The following NUP43 variants were observed in gnomAD, a reference collection of about 807,000 sequenced individuals.
NUP43 encodes the protein nucleoporin Nup43.
NUP43 carries 32 observed loss-of-function variants against 47.3 expected under a neutral mutation model. That is an observed-to-expected ratio of 0.68 (90% CI 0.51 to 0.91). The LOEUF is 0.91. Among genes scored for constraint, NUP43 ranks in the 40% least tolerant of loss-of-function variants. The pLI is 0.00. For synonymous variants in NUP43, 147 were observed against 158.4 expected, an observed-to-expected ratio of 0.93 and a Z score of 0.54; for missense variants, 444 against 453.9, an observed-to-expected ratio of 0.98 and a Z score of 0.20.
At chr6:149,732,775 G>A (rs1343505233) in intron 6 of NUP43, among the ~76,000 whole-genome samples, 1 of 152,112 alleles carries the variant, frequency 6.6e-6, no homozygotes, top group Non-Finnish European at 1.5e-5. Flanking sequence ...GAACCCGGGA[G>A]GCAAGGTTGC....
At chr6:149,738,590 C>G (rs1434404201) in intron 5 of NUP43, 53 bp downstream of exon 5, 1 of 1,347,278 alleles carries the variant, frequency 7.4e-7, no homozygotes, top group Non-Finnish European at 1.0e-6. Flanking sequence ...CTATAAACAA[C>G]CTAACACATT....
intron 2 of NUP43, 116 bp from the exon 3 acceptor site, chr6:149,743,831 C>CA: frequency 1.9e-6 from 1 of 517,584 alleles, no homozygotes. Flanking sequence ...AAGCAAAGAG[C>CA]CATGAGTGCT....
chr6:149,740,747 G>A (rs1785609086), intron 4 of NUP43, among the ~76,000 whole-genome samples: 1 of 152,168 alleles, frequency 6.6e-6, no homozygotes, highest in Non-Finnish European at 1.5e-5. Flanking sequence ...GAGAAGTCTG[G>A]CTGAAGCATA....
At chr6:149,748,808 CAAA>C (rs1161065299), upstream of NUP43, among the ~76,000 whole-genome samples, 1 of 87,348 alleles carries the variant, frequency 1.1e-5, no homozygotes, top group African/African-American at 4.3e-5. Flanking sequence ...GACTCCGTCT[CAAA>C]AAAAAAAAAA....
Position 149,725,156 on chromosome 6 carries a change from A to G in NUP43, c.*1813T>C, listed in dbSNP as rs1784746644. The G allele has an allele frequency of 6.6e-6, 1 of 152,172 alleles. No individual in the cohort carries two copies. The highest frequency in any genetic ancestry group is 2.1e-4 in the South Asian group (1 of 4,832). 9.4% of individuals were successfully genotyped at this position (152,172 alleles called of 1,614,324 possible). A position where few individuals can be genotyped will look rare whatever the true frequency, so the allele number is the denominator to read the frequency against. The stretch of plus-strand genomic sequence containing the variant: ...TGGCATGAAATGTAATGCTGTTAAA[A>G]TATACTTTCTCTTATGGTTACAAAT... On this transcript the variant is annotated 3_prime_UTR_variant, in exon 8 of 8. Transcript: ENST00000340413.
rs771131404 is a variant in NUP43 at position 149,738,675 on chromosome 6, T to C, written c.606A>G (p.Gln202=). The change falls in exon 5 of 8, where the codon CAA becomes CAG. Residue 202 remains glutamine, a synonymous_variant. Transcript: ENST00000340413. ...IGQLKIWDFR[Q]QGNEPSQILS... Reference sequence around the variant, plus strand: ...ATATCTGAGAAGGCTCATTTCCTTGTTGTCTGAAATCCCATATTTTCAACT... The same window carrying C: ...ATATCTGAGAAGGCTCATTTCCTTGCTGTCTGAAATCCCATATTTTCAACT... 6.3e-7 allele frequency: 1 copy of C among 1,585,950 alleles called. No individual in the cohort carries two copies. The highest frequency in any genetic ancestry group is 8.5e-7 in the Non-Finnish European group (1 of 1,170,070).
chr6:149,746,490 C>G lies in NUP43; in HGVS notation c.6G>C (p.Glu2Asp). 6.2e-7 allele frequency: 1 copy of G among 1,614,222 alleles called. No individual in the cohort carries two copies. Among genetic ancestry groups the G allele is most frequent in the Non-Finnish European group, 8.5e-7 (1 of 1,180,042 alleles). The change falls in exon 1 of 8, where the codon GAG becomes GAC. Residue 2 changes from glutamate to aspartate, a missense_variant. Transcript: ENST00000340413. M[E>D]EIYAKFVSQK... ...GGGACACAAACTTCGCATAAATTTC[C>G]TCCATGCCGAAAGCGGCCGCAGCAG... is the stretch of plus-strand genomic sequence containing the variant.
At chr6:149,744,085 G>C (rs372468857) in intron 2 of NUP43, among the ~76,000 whole-genome samples, 2 of 151,844 alleles carry the variant, frequency 1.3e-5, no homozygotes, top group African/African-American at 4.8e-5. Flanking sequence ...ACCAGCCTGC[G>C]CAAGATGGCG....
chr6:149,741,401 T>G (rs1785647326), intron 4 of NUP43, among the ~76,000 whole-genome samples: 1 of 152,212 alleles, frequency 6.6e-6, no homozygotes, highest in African/African-American at 2.4e-5. Context: ...CTCAAACTCT[T>G]GGCCTCAAAT....
chr6:149,727,899 A>G, intron 7 of NUP43: 1 of 985,304 alleles, frequency 1.0e-6, no homozygotes, highest in Non-Finnish European at 1.2e-6. Context: ...TCAAATAAGT[A>G]CAAATTTAAT....
At chr6:149,742,087 T>C (rs1159962129) in intron 4 of NUP43, among the ~76,000 whole-genome samples, 1 of 151,500 alleles carries the variant, frequency 6.6e-6, no homozygotes, top group Admixed American at 6.6e-5. Flanking sequence ...AGTGCAATGG[T>C]GCGATCTCTG....
At chr6:149,746,334 G>A in intron 1 of NUP43, 42 bp downstream of exon 1, 1 of 1,605,806 alleles carries the variant, frequency 6.2e-7, no homozygotes, top group Middle Eastern at 1.8e-4. Context: ...CTCAACCGGA[G>A]AGAGGGAGGA....
intron 2 of NUP43, among the ~76,000 whole-genome samples, chr6:149,744,422 G>A (rs867085672): frequency 1.7e-4 from 26 of 151,440 alleles, no homozygotes; most frequent in South Asian, 2.1e-4. Flanking sequence ...TACTCAGGAG[G>A]CTGAGGCAGA....
intron 4 of NUP43, among the ~76,000 whole-genome samples, chr6:149,742,023 T>C (rs1472373537): frequency 1.4e-5 from 2 of 146,920 alleles, no homozygotes; most frequent in Non-Finnish European, 3.0e-5. Context: ...CACGCCTGGC[T>C]AACTTTTCTT....
chr6:149,735,246 G>C (rs986876986), intron 6 of NUP43, among the ~76,000 whole-genome samples: 5 of 151,988 alleles, frequency 3.3e-5, no homozygotes, highest in Admixed American at 6.6e-5. Flanking sequence ...TTTTTAAAGA[G>C]GTTATGTTGC....
intron 5 of NUP43, 38 bp from the exon 6 acceptor site, chr6:149,736,660 A>C: frequency 6.6e-7 from 1 of 1,523,228 alleles, no homozygotes; most frequent in South Asian, 1.2e-5. Context: ...AAATCAAATA[A>C]AGTATAATTT....
At chr6:149,742,331 T>G in intron 4 of NUP43, 59 bp downstream of exon 4, 1 of 1,532,874 alleles carries the variant, frequency 6.5e-7, no homozygotes. Context: ...CAGCCTAACT[T>G]TTGTATTTTT....
intron 7 of NUP43, chr6:149,729,570 A>T (rs1258181790): frequency 1.0e-6 from 1 of 966,408 alleles, no homozygotes; most frequent in Non-Finnish European, 1.2e-6. Flanking sequence ...TAGCAGGGGT[A>T]CTAACAATTA....
chr6:149,742,074 T>C (rs534900654), intron 4 of NUP43, among the ~76,000 whole-genome samples: 1 of 151,978 alleles, frequency 6.6e-6, no homozygotes, highest in East Asian at 1.9e-4. Flanking sequence ...TTGCCCTGGC[T>C]GGAGTGCAAT....
Sources: gnomAD v4.1 joint callset for allele counts (sites outside exome capture counted in the v4.1 genomes callset) on GRCh38, gnomAD v4.1.1 for gene constraint, MANE v1.5 for transcripts, NCBI Gene and HGNC (gene_info 2026-07-23, HGNC 2026-07-21) for gene names.